PBX3: variants seen among roughly 807,000 people sequenced by gnomAD.
The protein encoded by PBX3 is PBX homeobox 3.
PBX3 carries 14 observed loss-of-function variants against 48.5 expected under a neutral mutation model. The observed-to-expected ratio is 0.29, with a 90% CI of 0.19 to 0.45. The LOEUF is 0.45. Ranked by LOEUF, PBX3 falls within the 20% of genes least tolerant of loss-of-function variation. The probability of loss-of-function intolerance (pLI) is 1.00; values close to 1 mark genes in which losing one functional copy is unlikely to be tolerated. For missense variants in PBX3, 386 were observed against 546.7 expected (o/e 0.71, Z 2.93); for synonymous variants, 210 against 200.3 (o/e 1.05, Z -0.41).
intron 3 of PBX3, among the ~76,000 whole-genome samples, chr9:125,924,290 A>C (rs1841521960): frequency 6.6e-6 from 1 of 152,188 alleles, no homozygotes; most frequent in Admixed American, 6.5e-5. Context: ...TTGCAAACTC[A>C]CTATGGGCTT....
chr9:125,788,672 A>C (rs1014904652), intron 2 of PBX3, among the ~76,000 whole-genome samples: 1 of 152,114 alleles, frequency 6.6e-6, no homozygotes. Flanking sequence ...CAGGAGTTCA[A>C]GACCAGCCTG....
At chr9:125,955,349 G>A (rs1468369916) in intron 5 of PBX3, among the ~76,000 whole-genome samples, 2 of 152,070 alleles carry the variant, frequency 1.3e-5, no homozygotes, top group African/African-American at 4.8e-5. Context: ...AGGTACCAAT[G>A]CCTTCCCCAT....
At chr9:125,803,692 G>A (rs1038824534) in intron 2 of PBX3, among the ~76,000 whole-genome samples, 1 of 152,154 alleles carries the variant, frequency 6.6e-6, no homozygotes, top group African/African-American at 2.4e-5. Context: ...GGCATATGAT[G>A]TCACTTTGTC....
At chr9:125,838,217 ATTG>A (rs1470788247) in intron 2 of PBX3, among the ~76,000 whole-genome samples, 1 of 152,130 alleles carries the variant, frequency 6.6e-6, no homozygotes, top group Non-Finnish European at 1.5e-5. Flanking sequence ...TGCCTGGCTA[ATTG>A]TTAAAATTTT....
At chr9:125,770,149 T>C (rs933331539) in intron 2 of PBX3, among the ~76,000 whole-genome samples, 1 of 152,164 alleles carries the variant, frequency 6.6e-6, no homozygotes, top group Non-Finnish European at 1.5e-5. Flanking sequence ...ATTTAACATA[T>C]TTCTGAATTC....
At chr9:125,857,062 T>C (rs1839742797) in intron 2 of PBX3, among the ~76,000 whole-genome samples, 2 of 152,204 alleles carry the variant, frequency 1.3e-5, no homozygotes, top group African/African-American at 4.8e-5. Context: ...GAAATTGATA[T>C]TAAATATGTG....
chr9:125,814,846 A>C (rs1262398925), intron 2 of PBX3, among the ~76,000 whole-genome samples: 2 of 152,206 alleles, frequency 1.3e-5, no homozygotes, highest in Non-Finnish European at 2.9e-5. Context: ...TGTGGTCCTT[A>C]TATAATTAAG....
intron 2 of PBX3, among the ~76,000 whole-genome samples, chr9:125,777,113 G>A (rs141245245): frequency 0.036 from 5,468 of 150,566 alleles, 347 homozygotes; most frequent in African/African-American, 0.13. Context: ...CCAGGTTCAA[G>A]CGATTCTTGT....
chr9:125,825,975 CTT>C, intron 2 of PBX3, among the ~76,000 whole-genome samples: 1 of 152,238 alleles, frequency 6.6e-6, no homozygotes, highest in African/African-American at 2.4e-5. Flanking sequence ...TTGGGAGATA[CTT>C]TATAAATGTT....
intron 2 of PBX3, among the ~76,000 whole-genome samples, chr9:125,779,617 A>T (rs1256017301): frequency 1.8e-5 from 2 of 113,486 alleles, no homozygotes; most frequent in Admixed American, 9.5e-5. Context: ...AGAAGAATTT[A>T]TCTTAGTACA....
intron 2 of PBX3, among the ~76,000 whole-genome samples, chr9:125,911,214 T>A (rs1841196474): frequency 6.6e-6 from 1 of 152,162 alleles, no homozygotes; most frequent in African/African-American, 2.4e-5. Flanking sequence ...TCATTTCATT[T>A]CCAGATGTCC....
intron 2 of PBX3, among the ~76,000 whole-genome samples, chr9:125,897,375 A>G (rs1213986617): frequency 6.6e-6 from 1 of 151,896 alleles, no homozygotes; most frequent in African/African-American, 2.4e-5. Flanking sequence ...TATGCCATCC[A>G]ATCAAACTGA....
At chr9:125,925,976 G>T (rs1471702556) in intron 3 of PBX3, among the ~76,000 whole-genome samples, 2 of 152,160 alleles carry the variant, frequency 1.3e-5, no homozygotes, top group African/African-American at 2.4e-5. Flanking sequence ...ATATCATATT[G>T]TTGGACTATT....
intron 2 of PBX3, among the ~76,000 whole-genome samples, chr9:125,836,970 G>A (rs1198098728): frequency 6.6e-6 from 1 of 152,154 alleles, no homozygotes; most frequent in Non-Finnish European, 1.5e-5. Context: ...AGGGCAGTTT[G>A]GAAGTATCTA....
At chr9:125,789,764 G>T (rs1588147717) in intron 2 of PBX3, among the ~76,000 whole-genome samples, 1 of 152,124 alleles carries the variant, frequency 6.6e-6, no homozygotes, top group African/African-American at 2.4e-5. Flanking sequence ...GGGTGAAAGG[G>T]TATACATCAT....
chr9:125,870,104 C>T (rs551196828), intron 2 of PBX3, among the ~76,000 whole-genome samples: 1 of 151,486 alleles, frequency 6.6e-6, no homozygotes, highest in African/African-American at 2.4e-5. Flanking sequence ...GACAGTAGCA[C>T]TATCTCAGCT....
At chr9:125,785,453 C>T (rs936292842) in intron 2 of PBX3, among the ~76,000 whole-genome samples, 18 of 152,210 alleles carry the variant, frequency 1.2e-4, no homozygotes, top group Non-Finnish European at 2.4e-4. Context: ...CCTTGGACAT[C>T]AGACTCCAGG....
At chr9:125,919,359 A>ATTTTT (rs34891465) in intron 3 of PBX3, among the ~76,000 whole-genome samples, 18 of 102,744 alleles carry the variant, frequency 1.8e-4, no homozygotes, top group East Asian at 2.8e-4. Flanking sequence ...TGCCCGTCTA[A>ATTTTT]TTTTTTTTTT....
In PBX3 at chr9:125,943,352, C is replaced by CAAAAAAAAAAAAAA. The variant is rs60326557; in HGVS notation, c.843+7779_843+7792dup. ...CTTGGGCTGCAGAGTGAGACTGTCT[C>CAAAAAAAAAAAAAA]AAAAAAAAAAAAAAAAAAAAAAAAA... On this transcript the variant is annotated intron_variant, in intron 5 of 8. Transcript: ENST00000373489. Among the ~76,000 whole-genome samples, 14 of 60,878 alleles carry CAAAAAAAAAAAAAA rather than the reference C, an allele frequency of 2.3e-4. 1 individual carries two copies. The highest frequency in any genetic ancestry group is 7.6e-4 in the South Asian group (1 of 1,320). 39.9% of individuals were successfully genotyped at this position (60,878 alleles called of 152,430 possible). A position where few individuals can be genotyped will look rare whatever the true frequency, so the allele number is the denominator to read the frequency against.
Sources: gnomAD v4.1 joint callset for allele counts (sites outside exome capture counted in the v4.1 genomes callset) on GRCh38, gnomAD v4.1.1 for gene constraint, MANE v1.5 for transcripts, NCBI Gene and HGNC (gene_info 2026-07-23, HGNC 2026-07-21) for gene names.